The following RASSF4 variants were observed in gnomAD, a reference collection of about 807,000 sequenced individuals.
The protein encoded by RASSF4 is ras association domain-containing protein 4.
Under a neutral mutation model 41.1 loss-of-function variants are expected in RASSF4, and 38 were observed. The observed-to-expected ratio is 0.92, with a 90% CI of 0.71 to 1.21. The LOEUF (loss-of-function observed/expected upper bound fraction) is 1.21, where lower values mean the gene tolerates loss of function less well. Among genes scored for constraint, RASSF4 ranks in the 50% most tolerant of loss-of-function variants. The pLI, the probability that RASSF4 is intolerant of heterozygous loss-of-function variation, is 0.00. For missense variants in RASSF4, 414 were observed against 419.4 expected, an observed-to-expected ratio of 0.99 and a Z score of 0.11; for synonymous variants, 179 against 163.4, an observed-to-expected ratio of 1.10 and a Z score of -0.73.
At chr10:44,980,769 C>G (rs1841675242) in intron 3 of RASSF4, 1 of 152,456 alleles carries the variant, frequency 6.6e-6, no homozygotes, top group Non-Finnish European at 1.5e-5. Flanking sequence ...GGCAGTGGGT[C>G]TCCATGAGTG....
intron 6 of RASSF4, among the ~76,000 whole-genome samples, chr10:44,988,951 T>G (rs1842012479): frequency 6.6e-6 from 1 of 152,212 alleles, no homozygotes; most frequent in Non-Finnish European, 1.5e-5. Flanking sequence ...AACTGGTGAC[T>G]TAATCAATAG....
chr10:44,993,229 T>A (rs748412346), intron 10 of RASSF4, 40 bp from the exon 11 acceptor site: 54 of 1,594,680 alleles, frequency 3.4e-5, no homozygotes, highest in Non-Finnish European at 4.3e-5. Context: ...CCCTGCCCTG[T>A]CTGGCCTCAG....
intron 1 of RASSF4, among the ~76,000 whole-genome samples, chr10:44,964,865 A>G (rs533662026): frequency 2.2e-5 from 2 of 91,604 alleles, no homozygotes; most frequent in Non-Finnish European, 5.0e-5. Flanking sequence ...TGATGTCAAA[A>G]CGATTAAATT....
In RASSF4 at chr10:44,991,958, A is replaced by G; in HGVS notation, c.861A>G (p.Lys287=). ...CGGTGCTGGACAGTTTTGTTGAAAA[A>G]TTAAAAGAAGAGGAAGAAAGAGAAA... ...EMPVLDSFVE[K]LKEEEEREII... Residue 287 remains lysine (K), a synonymous_variant, in exon 10 of 11, where the codon AAA becomes AAG. Coordinates refer to ENST00000340258, the MANE Select transcript of RASSF4 (RefSeq NM_032023.4). 6.2e-7 allele frequency: 1 copy of G among 1,613,648 alleles called. No homozygotes were observed. The highest frequency in any genetic ancestry group is 8.5e-7 in the Non-Finnish European group (1 of 1,179,586).
intron 1 of RASSF4, among the ~76,000 whole-genome samples, chr10:44,961,795 G>A (rs894595240): frequency 1.3e-5 from 2 of 152,236 alleles, no homozygotes; most frequent in African/African-American, 4.8e-5. Flanking sequence ...CAGTCACAGA[G>A]CAGAGCTTTA....
At position 44,990,979 on chromosome 10, in the gene RASSF4, G is replaced by A. The variant is rs376527647; in HGVS notation, c.717G>A (p.Pro239=). 37 of 1,613,282 alleles carry A rather than the reference G, an allele frequency of 2.3e-5. No homozygotes were observed. Among genetic ancestry groups the A allele is most frequent in the Non-Finnish European group, 2.8e-5 (33 of 1,179,476 alleles). ...ERTKLKDCEY[P]LISRILHGPC... ...CAAAATTAAAAGACTGCGAGTACCC[G>A]CTGATTTCCAGAATCCTGCATGGGC... Residue 239 remains proline, a synonymous_variant, in exon 9 of 11, where the codon CCG becomes CCA. Coordinates refer to ENST00000340258, the MANE Select transcript of RASSF4 (RefSeq NM_032023.4).
At chr10:44,970,306 T>G in intron 2 of RASSF4, 42 bp downstream of exon 2, 1 of 1,538,420 alleles carries the variant, frequency 6.5e-7, no homozygotes, top group Non-Finnish European at 9.0e-7. Context: ...GTCTTCACAT[T>G]TGCCATCCCC....
chr10:44,963,561 G>A (rs890038428), intron 1 of RASSF4, among the ~76,000 whole-genome samples: 12 of 152,298 alleles, frequency 7.9e-5, no homozygotes, highest in Middle Eastern at 3.4e-3. Flanking sequence ...CAGGAATGCC[G>A]TCAGCGTGGC....
chr10:44,972,106 G>T (rs1841197026), intron 3 of RASSF4, among the ~76,000 whole-genome samples: 1 of 152,044 alleles, frequency 6.6e-6, no homozygotes. Context: ...AATCACCTTG[G>T]GGGTCTTCCC....
Position 44,971,777 on chromosome 10 carries a change from G to A in RASSF4, c.67G>A (p.Glu23Lys). 6.2e-7 allele frequency: 1 copy of A among 1,613,846 alleles called. No homozygotes were observed. The highest frequency in any genetic ancestry group is 8.5e-7 in the Non-Finnish European group (1 of 1,179,778). ...TGTGTGTCTTTCCCTTTTTAGGTCGGAGCTCTTAGGCCTGCTGAAAACCTA... is the reference window on the plus strand; with the variant it reads ...TGTGTGTCTTTCCCTTTTTAGGTCGAAGCTCTTAGGCCTGCTGAAAACCTA... The part of the protein sequence containing the change: ...ISDSKSIQKS[E>K]LLGLLKTYNC... Residue 23 changes from glutamate (E) to lysine (K), a missense_variant, in exon 3 of 11, where the codon GAG (glutamate) becomes AAG (lysine). By Grantham distance (56) the Glu-to-Lys change is moderately conservative (BLOSUM62 1). Coordinates refer to ENST00000340258, the MANE Select transcript of RASSF4 (RefSeq NM_032023.4).
intron 1 of RASSF4, among the ~76,000 whole-genome samples, chr10:44,960,416 T>C (rs1840665108): frequency 6.6e-6 from 1 of 152,204 alleles, no homozygotes; most frequent in Non-Finnish European, 1.5e-5. Flanking sequence ...GTTATAAAAT[T>C]GTCCACCTTT....
rs201540828 is a variant in RASSF4, at chr10:44,982,605, C to T, written c.223C>T (p.Arg75Trp). 1.2e-4 allele frequency: 189 copies of T among 1,613,090 alleles called. 3 individuals carry two copies. In the Middle Eastern group the frequency reaches 5.0e-3, roughly 42 times the overall value. The change falls in exon 4 of 11, where the codon CGG (arginine) becomes TGG (tryptophan). Residue 75 changes from arginine to tryptophan, a missense_variant. Arg to Trp is a moderately radical substitution (Grantham distance 101). Transcript: ENST00000340258. ...CATCCGGCTGCAGATGCAGGATGAC[C>T]GGGAGCAGGTGCACCTCCCCTCCAC... is the stretch of plus-strand genomic sequence containing the variant. ...RPIRLQMQDD[R>W]EQVHLPSTSW...
intron 1 of RASSF4, among the ~76,000 whole-genome samples, chr10:44,961,997 G>A (rs1588778298): frequency 6.6e-6 from 1 of 152,296 alleles, no homozygotes; most frequent in East Asian, 1.9e-4. Flanking sequence ...TTCTGCCCTA[G>A]GATATACTGT....
chr10:44,978,209 A>T (rs1841538544), intron 3 of RASSF4: 1 of 621,314 alleles, frequency 1.6e-6, no homozygotes, highest in Admixed American at 3.5e-5. Flanking sequence ...GACTGCTGGG[A>T]TCTTTTCTTC....
At chr10:44,966,963 G>T (rs1039798283) in intron 1 of RASSF4, among the ~76,000 whole-genome samples, 1 of 152,118 alleles carries the variant, frequency 6.6e-6, no homozygotes, top group African/African-American at 2.4e-5. Context: ...TATCTGTCTT[G>T]CAAAGATGTT....
intron 8 of RASSF4, chr10:44,990,442 G>A (rs1310509333): frequency 6.4e-6 from 1 of 155,474 alleles, no homozygotes; most frequent in African/African-American, 2.4e-5. Flanking sequence ...AGTTTTTAGA[G>A]AAGTGACAAG....
At chr10:44,978,162 A>G in intron 3 of RASSF4, 2 of 1,027,440 alleles carry the variant, frequency 1.9e-6, no homozygotes, top group Non-Finnish European at 1.4e-6. Context: ...GTGCCCTGAG[A>G]GCAATTTGAA....
chr10:44,977,910 C>G (rs754189199), intron 3 of RASSF4: 1 of 1,612,686 alleles, frequency 6.2e-7, no homozygotes, highest in South Asian at 1.1e-5. Context: ...ATAGACCTCA[C>G]GTAGTCATCC....
chr10:44,967,994 A>T (rs1840973952), intron 1 of RASSF4, among the ~76,000 whole-genome samples: 1 of 152,220 alleles, frequency 6.6e-6, no homozygotes, highest in Non-Finnish European at 1.5e-5. Context: ...CCTAAGGGAA[A>T]AAAAGCATAG....
Sources: gnomAD v4.1 joint callset for allele counts (sites outside exome capture counted in the v4.1 genomes callset) on GRCh38, gnomAD v4.1.1 for gene constraint, MANE v1.5 for transcripts, NCBI Gene and HGNC (gene_info 2026-07-23, HGNC 2026-07-21) for gene names.